DLC1: variants seen among roughly 807,000 people sequenced by gnomAD.
The protein encoded by DLC1 is DLC1 Rho GTPase activating protein.
In DLC1, 54 loss-of-function variants were observed where a neutral mutation model predicts 140.3. That is an observed-to-expected ratio of 0.38 (90% confidence interval 0.31 to 0.48). DLC1 has a LOEUF of 0.48. Ranked by LOEUF, DLC1 falls within the 20% of genes least tolerant of loss-of-function variation. DLC1 has a pLI of 0.96. For synonymous variants in DLC1, 986 were observed against 728.1 expected (o/e 1.35, Z -5.70); for missense variants, 2,536 against 1,907.0 (o/e 1.33, Z -6.14).
intron 1 of DLC1, among the ~76,000 whole-genome samples, chr8:13,577,833 A>T (rs2898367): frequency 6.6e-6 from 1 of 151,668 alleles, no homozygotes; most frequent in African/African-American, 2.4e-5. Context: ...GTTGGAGAGT[A>T]TCAAATTATT....
At chr8:13,247,657 G>T (rs1279791026) in intron 5 of DLC1, among the ~76,000 whole-genome samples, 2 of 152,108 alleles carry the variant, frequency 1.3e-5, no homozygotes, top group South Asian at 2.1e-4. Context: ...GCATGATACC[G>T]TTTCCCATAA....
chr8:13,448,119 G>T (rs376020247), intron 2 of DLC1, among the ~76,000 whole-genome samples: 1 of 152,160 alleles, frequency 6.6e-6, no homozygotes, highest in African/African-American at 2.4e-5. Flanking sequence ...ACTACTTGTA[G>T]TCAAGTTGGG....
intron 5 of DLC1, among the ~76,000 whole-genome samples, chr8:13,258,176 G>T (rs150866197): frequency 1.7e-3 from 260 of 152,242 alleles, no homozygotes; most frequent in African/African-American, 6.1e-3. Context: ...AAGATTAACA[G>T]TCTAAGCGTC....
intron 2 of DLC1, among the ~76,000 whole-genome samples, chr8:13,480,446 A>C (rs1800676558): frequency 6.6e-6 from 1 of 152,182 alleles, no homozygotes; most frequent in Non-Finnish European, 1.5e-5. Flanking sequence ...TGATCTTTTA[A>C]AGATAGACTA....
At chr8:13,337,730 G>A (rs1291004963) in intron 4 of DLC1, among the ~76,000 whole-genome samples, 1 of 152,024 alleles carries the variant, frequency 6.6e-6, no homozygotes, top group African/African-American at 2.4e-5. Flanking sequence ...ATCCGTTTTG[G>A]TACAATAAAG....
chr8:13,512,645 T>C (rs903626819), intron 1 of DLC1, among the ~76,000 whole-genome samples: 2 of 152,102 alleles, frequency 1.3e-5, no homozygotes. Context: ...TTAGGCTAGA[T>C]AGAAGAAAGG....
intron 5 of DLC1, among the ~76,000 whole-genome samples, chr8:13,128,831 T>C (rs1006462717): frequency 2.2e-5 from 3 of 134,144 alleles, no homozygotes; most frequent in African/African-American, 8.8e-5. Flanking sequence ...AGAGACTCCG[T>C]CTCAAAAAAA....
intron 5 of DLC1, among the ~76,000 whole-genome samples, chr8:13,234,146 C>T (rs542542336): frequency 6.6e-6 from 1 of 152,186 alleles, no homozygotes; most frequent in South Asian, 2.1e-4. Context: ...CAACTAAAAG[C>T]TGGGTCTAAA....
At chr8:13,466,232 C>T (rs1282087049) in intron 2 of DLC1, among the ~76,000 whole-genome samples, 6 of 152,226 alleles carry the variant, frequency 3.9e-5, no homozygotes, top group African/African-American at 1.4e-4. Flanking sequence ...GTCACTTCCT[C>T]TCTCTCTTGC....
intron 5 of DLC1, among the ~76,000 whole-genome samples, chr8:13,266,664 G>C (rs1471175424): frequency 6.6e-6 from 1 of 152,120 alleles, no homozygotes; most frequent in Non-Finnish European, 1.5e-5. Context: ...AGAATCACTT[G>C]AATCTGGAAG....
At chr8:13,398,836 T>A (rs1015213556) in intron 3 of DLC1, among the ~76,000 whole-genome samples, 1 of 152,018 alleles carries the variant, frequency 6.6e-6, no homozygotes, top group South Asian at 2.1e-4. Context: ...TTGATTGATG[T>A]TGGAGGAGAG....
intron 5 of DLC1, among the ~76,000 whole-genome samples, chr8:13,256,151 T>C (rs943352147): frequency 5.3e-5 from 8 of 152,192 alleles, no homozygotes; most frequent in East Asian, 1.9e-4. Flanking sequence ...TGATTTTCAA[T>C]TGAATGAATG....
chr8:13,572,311 G>C (rs1005340893), intron 1 of DLC1, among the ~76,000 whole-genome samples: 7 of 152,068 alleles, frequency 4.6e-5, no homozygotes, highest in Admixed American at 1.3e-4. Context: ...GGATGGTCTC[G>C]ATCTCCTGAC....
chr8:13,288,682 G>C (rs1236665253), intron 5 of DLC1, among the ~76,000 whole-genome samples: 1 of 152,216 alleles, frequency 6.6e-6, no homozygotes, highest in Non-Finnish European at 1.5e-5. Context: ...AGAATAAGGA[G>C]ATCCTGAGAC....
chr8:13,551,909 T>G (rs1425983231), intron 1 of DLC1, among the ~76,000 whole-genome samples: 1 of 147,020 alleles, frequency 6.8e-6, no homozygotes, highest in Admixed American at 6.9e-5. Flanking sequence ...TATATATATA[T>G]ATATGTACCT....
chr8:13,451,037 CAAAAAAAAAAAAAAAAAAA>C (rs1169620786), intron 2 of DLC1, among the ~76,000 whole-genome samples: 5 of 18,374 alleles, frequency 2.7e-4, no homozygotes, highest in Non-Finnish European at 6.9e-4. Flanking sequence ...GACTCCGTCT[CAAAAAAAAAAAAAAAAAAA>C]AAAAAAAAAA....
upstream of DLC1, among the ~76,000 whole-genome samples, chr8:13,517,178 A>G (rs968927313): frequency 2.0e-5 from 3 of 152,120 alleles, no homozygotes; most frequent in African/African-American, 7.2e-5. Context: ...ATATAACTTG[A>G]TATCTCTATC....
At chr8:13,321,153 A>G (rs914257341) in intron 4 of DLC1, among the ~76,000 whole-genome samples, 1 of 152,220 alleles carries the variant, frequency 6.6e-6, no homozygotes, top group East Asian at 1.9e-4. Flanking sequence ...TACTACCAGG[A>G]AAGAACTTTT....
At chr8:13,526,875 A>G (rs1802934749) in intron 1 of DLC1, among the ~76,000 whole-genome samples, 1 of 152,236 alleles carries the variant, frequency 6.6e-6, no homozygotes, top group Admixed American at 6.5e-5. Context: ...TACATATGTA[A>G]CAAACCTGCA....
Sources: gnomAD v4.1 joint callset for allele counts (sites outside exome capture counted in the v4.1 genomes callset) on GRCh38, gnomAD v4.1.1 for gene constraint, MANE v1.5 for transcripts, NCBI Gene and HGNC (gene_info 2026-07-23, HGNC 2026-07-21) for gene names.